ANK3: variants seen among roughly 807,000 people sequenced by gnomAD.
ANK3 encodes ankyrin 3, also known as ankyrin-3.
A neutral mutation model predicts 370.9 loss-of-function variants in ANK3; 57 were observed. That is an observed-to-expected ratio of 0.15 (90% CI 0.12 to 0.19). The LOEUF (loss-of-function observed/expected upper bound fraction) is 0.19, where lower values mean the gene tolerates loss of function less well. Among genes scored for constraint, ANK3 ranks in the 10% least tolerant of loss-of-function variants. The pLI, the probability that ANK3 is intolerant of heterozygous loss-of-function variation, is 1.00. For synonymous variants in ANK3, 1,929 were observed against 1,946.3 expected, an observed-to-expected ratio of 0.99 and a Z score of 0.23; for missense variants, 4,439 against 5,302.1, an observed-to-expected ratio of 0.84 and a Z score of 5.06.
chr10:60,248,405 T>C (rs560815248), intron 7 of ANK3, among the ~76,000 whole-genome samples: 1 of 152,256 alleles, frequency 6.6e-6, no homozygotes, highest in Admixed American at 6.5e-5. Flanking sequence ...TAAATATATA[T>C]TTTTTCAGGC....
At chr10:60,623,060 T>A (rs2078359712) in intron 1 of ANK3, among the ~76,000 whole-genome samples, 2 of 152,238 alleles carry the variant, frequency 1.3e-5, no homozygotes, top group African/African-American at 4.8e-5. Flanking sequence ...GAAGCCACCA[T>A]TTTAAGGAGT....
intron 2 of ANK3, among the ~76,000 whole-genome samples, chr10:60,416,888 GA>G (rs1193460646): frequency 6.6e-6 from 1 of 152,152 alleles, no homozygotes; most frequent in African/African-American, 2.4e-5. Context: ...ACTTAAAGCT[GA>G]GTGTTTTAAG....
chr10:60,719,857 G>A (rs1213451944), intron 1 of ANK3, among the ~76,000 whole-genome samples: 1 of 152,142 alleles, frequency 6.6e-6, no homozygotes, highest in African/African-American at 2.4e-5. Flanking sequence ...TTTTGGTGCA[G>A]TAAGCACATT....
At chr10:60,136,901 T>G (rs1014866428) in intron 24 of ANK3, among the ~76,000 whole-genome samples, 1 of 152,150 alleles carries the variant, frequency 6.6e-6, no homozygotes, top group Non-Finnish European at 1.5e-5. Flanking sequence ...GCCAACTATT[T>G]GTAGCCATCA....
intron 1 of ANK3, among the ~76,000 whole-genome samples, chr10:60,312,509 C>A (rs2046560704): frequency 6.6e-6 from 1 of 152,168 alleles, no homozygotes; most frequent in South Asian, 2.1e-4. Flanking sequence ...GTCCTCTTAC[C>A]TATGGACATT....
At chr10:60,308,633 G>A (rs1284594016) in intron 1 of ANK3, among the ~76,000 whole-genome samples, 1 of 152,134 alleles carries the variant, frequency 6.6e-6, no homozygotes, top group Non-Finnish European at 1.5e-5. Context: ...TCAACAGGCT[G>A]AGGGAGGGGA....
intron 28 of ANK3, among the ~76,000 whole-genome samples, chr10:60,090,993 C>T (rs1441411787): frequency 6.6e-6 from 1 of 152,236 alleles, no homozygotes; most frequent in Non-Finnish European, 1.5e-5. Context: ...CAACCTCTGC[C>T]TTCCCAGTTC....
At chr10:60,218,332 A>G (rs2096980508) in intron 8 of ANK3, among the ~76,000 whole-genome samples, 1 of 133,676 alleles carries the variant, frequency 7.5e-6, no homozygotes, top group Non-Finnish European at 1.7e-5. Context: ...TCATGCTGCT[A>G]TTTGGTTATT....
At chr10:60,433,894 C>T (rs1253315074) in intron 2 of ANK3, among the ~76,000 whole-genome samples, 2 of 152,180 alleles carry the variant, frequency 1.3e-5, no homozygotes, top group Non-Finnish European at 2.9e-5. Context: ...TATGCATGGC[C>T]TGCAGAATAA....
intron 28 of ANK3, among the ~76,000 whole-genome samples, chr10:60,092,795 G>A (rs925164560): frequency 8.5e-5 from 13 of 152,346 alleles, no homozygotes; most frequent in African/African-American, 3.1e-4. Context: ...GAGTGCAGGG[G>A]CATGATCTCA....
chr10:60,635,641 T>C (rs1056986836), intron 1 of ANK3, among the ~76,000 whole-genome samples: 1 of 152,088 alleles, frequency 6.6e-6, no homozygotes, highest in African/African-American at 2.4e-5. Flanking sequence ...AGTCCATTAT[T>C]CAGGACTTAA....
chr10:60,442,529 T>C (rs906064455), intron 2 of ANK3, among the ~76,000 whole-genome samples: 1 of 152,178 alleles, frequency 6.6e-6, no homozygotes, highest in Non-Finnish European at 1.5e-5. Flanking sequence ...TTTCACTGTG[T>C]TTTTTCCCGA....
At chr10:60,733,308 G>T (rs1185720493) in exon 1 of ANK3, 3 of 1,236,096 alleles carry the variant, frequency 2.4e-6, no homozygotes, top group Non-Finnish European at 2.0e-6. Flanking sequence ...AGGAGGAGGC[G>T]GAGGAGGCCA....
intron 2 of ANK3, among the ~76,000 whole-genome samples, chr10:60,600,403 C>A (rs2078044865): frequency 6.6e-6 from 1 of 152,174 alleles, no homozygotes; most frequent in Non-Finnish European, 1.5e-5. Context: ...AGTTTAACTG[C>A]CATCTCCTGA....
chr10:60,134,686 T>C (rs962840298), intron 24 of ANK3, among the ~76,000 whole-genome samples: 1 of 152,190 alleles, frequency 6.6e-6, no homozygotes, highest in African/African-American at 2.4e-5. Flanking sequence ...TCTAGATAGT[T>C]GACAGATTTT....
intron 23 of ANK3, among the ~76,000 whole-genome samples, chr10:60,161,656 C>T (rs544245725): frequency 2.4e-4 from 36 of 151,718 alleles, no homozygotes; most frequent in Admixed American, 1.5e-3. Context: ...AAATTTAGCA[C>T]GTTCTCACTC....
chr10:60,269,657 C>CA (rs1566124751), intron 5 of ANK3, among the ~76,000 whole-genome samples: 8 of 141,700 alleles, frequency 5.6e-5, no homozygotes, highest in African/African-American at 2.1e-4. Flanking sequence ...CTCCCCCCCC[C>CA]CAAAAAAAGT....
chr10:60,042,807 GT>G, intron 42 of ANK3, 48 bp from the exon 43 acceptor site: 1 of 1,476,710 alleles, frequency 6.8e-7, no homozygotes, highest in Non-Finnish European at 8.9e-7. Context: ...AACAGTGTTA[GT>G]TATAAAGCAG....
chr10:60,086,934 T>C, intron 29 of ANK3, 50 bp from the exon 30 acceptor site: 2 of 1,302,312 alleles, frequency 1.5e-6, no homozygotes, highest in East Asian at 2.7e-5. Context: ...TTTTTTTTTT[T>C]TCCCAATCAT....
Sources: gnomAD v4.1 joint callset for allele counts (sites outside exome capture counted in the v4.1 genomes callset) on GRCh38, gnomAD v4.1.1 for gene constraint, MANE v1.5 for transcripts, NCBI Gene and HGNC (gene_info 2026-07-23, HGNC 2026-07-21) for gene names.